ANXA8: variants seen among roughly 807,000 people sequenced by gnomAD.
The protein encoded by ANXA8 is annexin A8, also known as VAC-beta.
Under a neutral mutation model 26.8 loss-of-function variants are expected in ANXA8, and 9 were observed. That is an observed-to-expected ratio of 0.34 (90% confidence interval 0.20 to 0.59). The LOEUF (loss-of-function observed/expected upper bound fraction) is 0.59, where lower values mean the gene tolerates loss of function less well. Among genes scored for constraint, ANXA8 ranks in the 20% least tolerant of loss-of-function variants. The pLI is 0.84. For missense variants in ANXA8, 83 were observed against 238.5 expected, an observed-to-expected ratio of 0.35 and a Z score of 4.29; for synonymous variants, 39 against 94.8, an observed-to-expected ratio of 0.41 and a Z score of 3.42.
chr10:47,750,060 CAAAACTCAAAGGAG>C, the ANXA8 span, among the ~76,000 whole-genome samples: 5 of 151,796 alleles, frequency 3.3e-5, no homozygotes, highest in Non-Finnish European at 7.4e-5. Flanking sequence ...CAAAAACTAA[CAAAACTCAAAGGAG>C]AAATAAACAA....
the ANXA8 span, among the ~76,000 whole-genome samples, chr10:47,657,848 A>C: frequency 2.6e-5 from 4 of 151,060 alleles, no homozygotes; most frequent in South Asian, 6.2e-4. Flanking sequence ...ATAATAAGCA[A>C]AACCTGCCTG....
chr10:47,937,752 A>G, the ANXA8 span, among the ~76,000 whole-genome samples: 1 of 146,690 alleles, frequency 6.8e-6, no homozygotes, highest in Admixed American at 6.7e-5. Flanking sequence ...TTTGCTAAGG[A>G]TAATGGCCTC....
At chr10:47,702,343 C>CTTTT in the ANXA8 span, among the ~76,000 whole-genome samples, 1 of 140,138 alleles carries the variant, frequency 7.1e-6, no homozygotes, top group Non-Finnish European at 1.6e-5. Context: ...CTTTTCTTTT[C>CTTTT]TTTTTTTTTT....
At chr10:47,666,461 C>T in the ANXA8 span, among the ~76,000 whole-genome samples, 2 of 151,788 alleles carry the variant, frequency 1.3e-5, no homozygotes, top group African/African-American at 2.4e-5. Context: ...GTGGTTATTA[C>T]ACCCACTTGA....
chr10:47,664,291 T>G, the ANXA8 span, among the ~76,000 whole-genome samples: 24 of 152,124 alleles, frequency 1.6e-4, no homozygotes, highest in African/African-American at 5.5e-4. Context: ...GGCAGGAGAA[T>G]TGCTTGAACC....
At chr10:47,767,448 C>A in the ANXA8 span, among the ~76,000 whole-genome samples, 1 of 152,400 alleles carries the variant, frequency 6.6e-6, no homozygotes, top group East Asian at 1.9e-4. Flanking sequence ...CTCCCTCCTG[C>A]CCCTGGGCGT....
chr10:47,639,988 C>T, the ANXA8 span, among the ~76,000 whole-genome samples: 4 of 140,262 alleles, frequency 2.9e-5, no homozygotes, highest in Admixed American at 1.4e-4. Flanking sequence ...GACAGGGTTT[C>T]ACTGTGTTGC....
At chr10:47,672,088 CGTT>C in the ANXA8 span, among the ~76,000 whole-genome samples, 51 of 150,930 alleles carry the variant, frequency 3.4e-4, no homozygotes, top group Middle Eastern at 3.4e-3. Context: ...ATCATCAAAA[CGTT>C]GTTCTTGTTT....
the ANXA8 span, among the ~76,000 whole-genome samples, chr10:47,593,606 G>C: frequency 6.7e-6 from 1 of 149,698 alleles, no homozygotes; most frequent in African/African-American, 2.5e-5. Flanking sequence ...AGCAACATCT[G>C]TGAAAGCCAC....
At chr10:47,743,352 A>ATATACATATATATATG in the ANXA8 span, among the ~76,000 whole-genome samples, 1 of 69,610 alleles carries the variant, frequency 1.4e-5, no homozygotes, top group East Asian at 3.9e-4. Context: ...ATATATATAT[A>ATATACATATATATATG]TACACATATA....
At chr10:47,733,231 C>CTTTCTTTCTTTCTTTCTT in the ANXA8 span, among the ~76,000 whole-genome samples, 37 of 75,034 alleles carry the variant, frequency 4.9e-4, no homozygotes, top group East Asian at 2.7e-3. Context: ...CTCTTTCTTT[C>CTTTCTTTCTTTCTTTCTT]TCTCTTTCTT....
chr10:47,547,285 G>A, the ANXA8 span, among the ~76,000 whole-genome samples: 6 of 139,518 alleles, frequency 4.3e-5, no homozygotes, highest in Non-Finnish European at 9.3e-5. Context: ...TTAAAAAGAA[G>A]GAGGCAGAGC....
the ANXA8 span, among the ~76,000 whole-genome samples, chr10:47,503,937 C>CAAAAAAAAAAAAAAAAAAA: frequency 4.3e-5 from 1 of 23,438 alleles, no homozygotes; most frequent in Non-Finnish European, 6.8e-5. Flanking sequence ...GAGAGTCCAT[C>CAAAAAAAAAAAAAAAAAAA]AAAAAAAAAA....
the ANXA8 span, among the ~76,000 whole-genome samples, chr10:47,936,828 G>A: frequency 6.6e-6 from 1 of 152,066 alleles, no homozygotes; most frequent in Non-Finnish European, 1.5e-5. Flanking sequence ...GGAAGGGTCA[G>A]AACGCTTGTT....
chr10:47,755,632 T>TC, the ANXA8 span, among the ~76,000 whole-genome samples: 2 of 126,658 alleles, frequency 1.6e-5, no homozygotes, highest in African/African-American at 6.0e-5. Context: ...CACCTCAACC[T>TC]CCCAAGTAGC....
chr10:47,957,176 C>G, the ANXA8 span, among the ~76,000 whole-genome samples: 2 of 150,164 alleles, frequency 1.3e-5, no homozygotes, highest in African/African-American at 5.0e-5. Flanking sequence ...TCTCTCTGTG[C>G]TCCGATTCTG....
the ANXA8 span, among the ~76,000 whole-genome samples, chr10:47,749,560 G>A: frequency 1.4e-5 from 2 of 145,454 alleles, no homozygotes; most frequent in African/African-American, 5.1e-5. Flanking sequence ...CATTGTCTGG[G>A]AAACAATAAA....
the ANXA8 span, chr10:47,581,302 G>A: frequency 2.9e-3 from 1,441 of 496,274 alleles, 19 homozygotes; most frequent in Non-Finnish European, 4.0e-3. Flanking sequence ...ACTGTTTCCC[G>A]TTCCTGTGCT....
At chr10:47,534,287 C>T in the ANXA8 span, among the ~76,000 whole-genome samples, 4 of 128,592 alleles carry the variant, frequency 3.1e-5, 1 homozygote, top group Admixed American at 1.5e-4. Context: ...GTCCAGAATA[C>T]GCTGGTTCTT....
Sources: allele counts gnomAD v4.1 joint callset (sites outside exome capture counted in the v4.1 genomes callset), GRCh38; gene constraint gnomAD v4.1.1; transcripts MANE v1.5; gene names NCBI Gene and HGNC (gene_info 2026-07-23, HGNC 2026-07-21).